The following PLEKHA2 variants were observed in gnomAD, a reference collection of about 807,000 sequenced individuals.
PLEKHA2 encodes the protein pleckstrin homology domain containing A2, also known as pleckstrin homology domain-containing family A member 2.
A neutral mutation model predicts 53.2 loss-of-function variants in PLEKHA2; 28 were observed. That is an observed-to-expected ratio of 0.53 (90% CI 0.39 to 0.72). The LOEUF is 0.72. Among genes scored for constraint, PLEKHA2 ranks in the 30% least tolerant of loss-of-function variants. The pLI is 0.00. For synonymous variants in PLEKHA2, 193 were observed against 196.4 expected (o/e 0.98, Z 0.14); for missense variants, 426 against 537.9 (o/e 0.79, Z 2.06).
At chr8:38,933,028 G>A (rs1834422428) in intron 2 of PLEKHA2, among the ~76,000 whole-genome samples, 1 of 152,222 alleles carries the variant, frequency 6.6e-6, no homozygotes, top group African/African-American at 2.4e-5. Context: ...CCCTTGAGGG[G>A]CAGAGGGGAT....
intron 1 of PLEKHA2, among the ~76,000 whole-genome samples, chr8:38,907,989 G>A (rs1588231767): frequency 1.3e-5 from 2 of 152,100 alleles, no homozygotes; most frequent in South Asian, 4.2e-4. Context: ...CCCAATAGTT[G>A]TGACTATAGG....
intron 1 of PLEKHA2, among the ~76,000 whole-genome samples, chr8:38,905,903 C>T (rs1833866271): frequency 2.6e-5 from 4 of 152,192 alleles, no homozygotes; most frequent in Admixed American, 2.6e-4. Flanking sequence ...CCAGGATGGT[C>T]TCCATCTCCT....
rs186057788 is a variant in PLEKHA2, at chr8:38,922,567, G to A, written c.141+4497G>A. ...GTCGTTGAACATCTTTATTTGATAG[G>A]GACAAGGAGATGCCTGCTATGTTTT... On this transcript the variant is annotated intron_variant, in intron 2 of 11. Transcript: ENST00000617275. The surrounding 1 kb of genome is among the most constrained non-coding windows in gnomAD (Gnocchi z 4.0). Among the ~76,000 whole-genome samples, 241 of 152,294 alleles carry A rather than the reference G, an allele frequency of 1.6e-3. No homozygotes were observed. The highest frequency in any genetic ancestry group is 2.8e-3 in the Non-Finnish European group (189 of 68,028).
intron 2 of PLEKHA2, among the ~76,000 whole-genome samples, chr8:38,923,463 T>C (rs1834228574): frequency 6.6e-6 from 1 of 152,192 alleles, no homozygotes. Context: ...TGCCTTGGCC[T>C]CCCAAAGTGC....
intron 1 of PLEKHA2, among the ~76,000 whole-genome samples, chr8:38,904,974 G>C (rs999520430): frequency 1.3e-5 from 2 of 152,182 alleles, no homozygotes; most frequent in African/African-American, 4.8e-5. Context: ...AGTAGGTAAA[G>C]CAATTATCTC....
intron 3 of PLEKHA2, among the ~76,000 whole-genome samples, chr8:38,942,043 G>A (rs1834621549): frequency 6.6e-6 from 1 of 152,186 alleles, no homozygotes; most frequent in East Asian, 1.9e-4. Context: ...TGTCAGCCAG[G>A]AAGATACTTT....
At chr8:38,921,284 G>T (rs1038722832) in intron 2 of PLEKHA2, among the ~76,000 whole-genome samples, 1 of 152,170 alleles carries the variant, frequency 6.6e-6, no homozygotes, top group Non-Finnish European at 1.5e-5. Context: ...CAAGTCATTC[G>T]AATGGATTTT....
At chr8:38,902,226 GGGGT>G (rs1326405350) in intron 1 of PLEKHA2, among the ~76,000 whole-genome samples, 6 of 137,376 alleles carry the variant, frequency 4.4e-5, no homozygotes. Flanking sequence ...GGTGTGGGGG[GGGGT>G]GGTGGGAAGC....
intron 2 of PLEKHA2, among the ~76,000 whole-genome samples, chr8:38,919,974 TTC>T (rs1274262841): frequency 6.6e-6 from 1 of 152,156 alleles, no homozygotes; most frequent in Non-Finnish European, 1.5e-5. Context: ...CTCTTTTCTT[TTC>T]TCTCTTTTTT....
chr8:38,903,578 T>TGA (rs1463958963), intron 1 of PLEKHA2, among the ~76,000 whole-genome samples: 1 of 152,174 alleles, frequency 6.6e-6, no homozygotes, highest in Admixed American at 6.6e-5. Flanking sequence ...GGAAGGCTGA[T>TGA]GAGCCCTATC....
chr8:38,954,397 A>G (rs186064658), intron 9 of PLEKHA2, among the ~76,000 whole-genome samples: 1 of 152,322 alleles, frequency 6.6e-6, no homozygotes, highest in East Asian at 1.9e-4. Context: ...ATTGGGCATG[A>G]TGAGATCCTT....
chr8:38,948,857 A>G (rs1256251252), intron 5 of PLEKHA2, among the ~76,000 whole-genome samples: 1 of 151,884 alleles, frequency 6.6e-6, no homozygotes, highest in Non-Finnish European at 1.5e-5. Flanking sequence ...TTTAGTAGAC[A>G]TTCAGCTGTT....
intron 3 of PLEKHA2, among the ~76,000 whole-genome samples, chr8:38,943,508 A>G (rs1414113696): frequency 6.6e-6 from 1 of 151,974 alleles, no homozygotes; most frequent in Non-Finnish European, 1.5e-5. Context: ...TAAATAATAA[A>G]CATAAGTCTT....
chr8:38,950,849 G>A lies in PLEKHA2; in HGVS notation c.346-1G>A. ...TTGATTGTTGCTGCCGCTCACCCCA[G>A]GTTCCCAAAGGTGGGGGCCTACCCA... On this transcript the variant is annotated splice_acceptor_variant, in intron 5 of 11. Transcript: ENST00000617275. LOFTEE classifies it high-confidence loss of function. 2 of 1,612,762 alleles carry A rather than the reference G, an allele frequency of 1.2e-6. No individual in the cohort carries two copies. Among genetic ancestry groups the A allele is most frequent in the Non-Finnish European group, 8.5e-7 (1 of 1,179,096 alleles).
chr8:38,969,401 T>A lies in PLEKHA2; in HGVS notation c.916-20T>A, dbSNP rs1453274861. On this transcript the variant is annotated intron_variant, in intron 11 of 11. Transcript: ENST00000617275. ...AAGCCCTAACTTTCTTTTGTCTTTT[T>A]CTTCCTTTTATTTTTATAGGAAACG... 6.3e-7 allele frequency: 1 copy of A among 1,597,368 alleles called. No homozygotes were observed. The highest frequency in any genetic ancestry group is 8.5e-7 in the Non-Finnish European group (1 of 1,175,928).
rs139795078 is a variant in PLEKHA2, at chr8:38,926,019, C to T, written c.141+7949C>T. On this transcript the variant is annotated intron_variant, in intron 2 of 11. Transcript: ENST00000617275. ...CAGAGTTAGTGACAAATTTCTCCCT[C>T]CCACTTCTGTCCTCTCAGCAGGGGC... Among the ~76,000 whole-genome samples the T allele has an allele frequency of 2.2e-3, 335 of 152,296 alleles. 1 individual carries two copies. The highest frequency in any genetic ancestry group is 7.7e-3 in the African/African-American group (320 of 41,568).
At chr8:38,911,919 T>G (rs1030702192) in intron 1 of PLEKHA2, among the ~76,000 whole-genome samples, 4 of 152,212 alleles carry the variant, frequency 2.6e-5, no homozygotes, top group African/African-American at 9.6e-5. Flanking sequence ...GAGGCTGCAG[T>G]AAGCTACGAT....
At chr8:38,968,816 A>G in intron 11 of PLEKHA2, 147 bp downstream of exon 11, 5 of 703,790 alleles carry the variant, frequency 7.1e-6, no homozygotes, top group African/African-American at 1.8e-5. Flanking sequence ...TTCTCATTCT[A>G]CTAATTTGGG....
At chr8:38,935,309 T>C (rs2129418975) in intron 2 of PLEKHA2, among the ~76,000 whole-genome samples, 1 of 152,290 alleles carries the variant, frequency 6.6e-6, no homozygotes, top group Non-Finnish European at 1.5e-5. Flanking sequence ...GTGCCTGGCC[T>C]TCTTAAATGT....
Sources: gnomAD v4.1 joint callset for allele counts (sites outside exome capture counted in the v4.1 genomes callset) on GRCh38, gnomAD v4.1.1 for gene constraint, Gnocchi (gnomAD v3.1) non-coding constraint, MANE v1.5 for transcripts, NCBI Gene and HGNC (gene_info 2026-07-23, HGNC 2026-07-21) for gene names.